Variants in ARAP2 observed in about 807,000 individuals in gnomAD.
The protein encoded by ARAP2 is arf-GAP with Rho-GAP domain, ANK repeat and PH domain-containing protein 2.
ARAP2 carries 148 observed loss-of-function variants against 194.5 expected under a neutral mutation model. The ratio of observed to expected loss-of-function variants is 0.76; its 90% confidence interval spans 0.67 to 0.87. The LOEUF (loss-of-function observed/expected upper bound fraction) is 0.87, where lower values mean the gene tolerates loss of function less well. Ranked by LOEUF, ARAP2 falls within the 40% of genes least tolerant of loss-of-function variation. The pLI, the probability that ARAP2 is intolerant of heterozygous loss-of-function variation, is 0.00. For synonymous variants in ARAP2, 695 were observed against 683.5 expected (o/e 1.02, Z -0.26); for missense variants, 2,128 against 1,989.7 (o/e 1.07, Z -1.32).
intron 28 of ARAP2, among the ~76,000 whole-genome samples, chr4:36,086,032 AAGG>A (rs1172956773): frequency 6.6e-6 from 1 of 152,036 alleles, no homozygotes; most frequent in Non-Finnish European, 1.5e-5. Context: ...GGATATATTC[AAGG>A]AGAAGAGAGC....
At chr4:36,061,355 C>T (rs1724410489), downstream of ARAP2, among the ~76,000 whole-genome samples, 1 of 152,192 alleles carries the variant, frequency 6.6e-6, no homozygotes, top group African/African-American at 2.4e-5. Context: ...CCACCACCCT[C>T]TCACTACCCT....
chr4:36,155,744 G>A (rs1212083135), intron 15 of ARAP2, among the ~76,000 whole-genome samples: 1 of 151,028 alleles, frequency 6.6e-6, no homozygotes, highest in African/African-American at 2.4e-5. Flanking sequence ...CTCACTGCAC[G>A]CTCTGCCTCC....
rs543316178 is a variant in ARAP2, at chr4:36,066,785, T to C, written c.*1122A>G. On this transcript the variant is annotated 3_prime_UTR_variant, in exon 33 of 33. Transcript: ENST00000303965. ...TAAGTACAGGGAAGAGACCACACCT[T>C]TACTTAAAAAAAGAAAAAAAAACCT... The C allele has an allele frequency of 3.3e-5, 5 of 151,922 alleles. No individual in the cohort carries two copies. The East Asian group carries it at 9.6e-4, about 29-fold the overall frequency. 9.4% of individuals were successfully genotyped at this position (151,922 alleles called of 1,614,324 possible). A position where few individuals can be genotyped will look rare whatever the true frequency, so the allele number is the denominator to read the frequency against.
chr4:36,230,427 T>C (rs923275414), intron 1 of ARAP2, among the ~76,000 whole-genome samples: 7 of 152,256 alleles, frequency 4.6e-5, no homozygotes, highest in Admixed American at 4.6e-4. Flanking sequence ...CAGCATTGTA[T>C]GTAAACAATA....
intron 21 of ARAP2, among the ~76,000 whole-genome samples, chr4:36,125,660 A>ACT (rs1723714613): frequency 1.3e-5 from 2 of 151,960 alleles, no homozygotes; most frequent in African/African-American, 4.8e-5. Context: ...CTTACCCTCC[A>ACT]CTCACCTGAC....
At chr4:36,102,276 G>T (rs1717159467) in intron 27 of ARAP2, among the ~76,000 whole-genome samples, 1 of 151,866 alleles carries the variant, frequency 6.6e-6, no homozygotes, top group Non-Finnish European at 1.5e-5. Context: ...AGCTCTTCTA[G>T]TCTCCCTATC....
rs768413806 is a variant in ARAP2 at position 36,140,691 on chromosome 4, G to C, written c.3263+6605C>G. On this transcript the variant is annotated intron_variant, in intron 19 of 32. Coordinates refer to ENST00000303965, the MANE Select transcript of ARAP2 (RefSeq NM_015230.4). ...TATGGAATAAGGTGATAGGAAATAA[G>C]GAAAACTAAACTTAGGGTGCTAATC... 3.3e-5 allele frequency among the ~76,000 whole-genome samples: 5 copies of C among 151,720 alleles called. 1 individual carries two copies. In the South Asian group the frequency reaches 6.2e-4, roughly 19 times the overall value.
Position 36,177,993 on chromosome 4 carries a change from T to A in ARAP2, c.1691A>T (p.Asp564Val). 1 of 1,597,106 alleles carries A rather than the reference T, an allele frequency of 6.3e-7. No homozygotes were observed. Among genetic ancestry groups the A allele is most frequent in the Non-Finnish European group, 8.5e-7 (1 of 1,173,858 alleles). ...TGCATTTAATAGTATGCTGATCCAG[T>A]CATTTCTCTCCTCTGAAAATGAAGA... ...FRVEKEEERN[D>V]WISILLNALK... Residue 564 changes from aspartate to valine, a missense_variant, in exon 9 of 33, where the codon GAC becomes GTC. Transcript: ENST00000303965.
At chr4:36,047,992 G>C (rs1722093901) in intron 3 of ARAP2, among the ~76,000 whole-genome samples, 1 of 152,162 alleles carries the variant, frequency 6.6e-6, no homozygotes, top group Non-Finnish European at 1.5e-5. Context: ...TTACAGTGAA[G>C]ATGGCACTGA....
chr4:36,064,064 C>T (rs1560345842), downstream of ARAP2, among the ~76,000 whole-genome samples: 2 of 152,110 alleles, frequency 1.3e-5, no homozygotes, highest in East Asian at 3.9e-4. Flanking sequence ...CTCAGTGACA[C>T]TTTGATGAAT....
intron 8 of ARAP2, among the ~76,000 whole-genome samples, chr4:36,013,521 A>G (rs937038590): frequency 6.6e-6 from 1 of 152,200 alleles, no homozygotes; most frequent in African/African-American, 2.4e-5. Context: ...TTATGGATAC[A>G]GGGTGTTTGG....
At chr4:36,224,259 C>T (rs1749793598) in intron 2 of ARAP2, among the ~76,000 whole-genome samples, 2 of 149,918 alleles carry the variant, frequency 1.3e-5, no homozygotes, top group East Asian at 1.9e-4. Context: ...AAAAACAGTT[C>T]TCACAATTGA....
At chr4:36,078,927 A>G (rs1728849152) in intron 31 of ARAP2, among the ~76,000 whole-genome samples, 1 of 152,070 alleles carries the variant, frequency 6.6e-6, no homozygotes, top group African/African-American at 2.4e-5. Context: ...TAATCCTAGC[A>G]CTTTGGGAGG....
chr4:36,215,638 G>T (rs868671997), intron 2 of ARAP2, among the ~76,000 whole-genome samples: 1 of 152,204 alleles, frequency 6.6e-6, no homozygotes. Flanking sequence ...CAAGTGGTTT[G>T]CCCAAACCAA....
At chr4:36,108,506 G>A (rs1195751380) in intron 26 of ARAP2, among the ~76,000 whole-genome samples, 1 of 151,750 alleles carries the variant, frequency 6.6e-6, no homozygotes, top group Non-Finnish European at 1.5e-5. Context: ...CTACTAGTGG[G>A]AATATAAAAA....
intron 32 of ARAP2, among the ~76,000 whole-genome samples, chr4:36,069,838 G>T (rs960663975): frequency 1.3e-5 from 2 of 152,042 alleles, no homozygotes; most frequent in African/African-American, 4.8e-5. Flanking sequence ...GTGGGGGTGG[G>T]GTTTTCATGA....
rs1003503535 is a variant in ARAP2 at position 36,145,954 on chromosome 4, C to T, written c.3263+1342G>A. On this transcript the variant is annotated intron_variant, in intron 19 of 32. Transcript: ENST00000303965. ...TTAATTTTAGACATGCGTATTCAAC[C>T]GCTTACTCACCAGATCCACTTTGCC... Among the ~76,000 whole-genome samples, 12 of 152,064 alleles carry T rather than the reference C, an allele frequency of 7.9e-5. No homozygotes were observed. In the South Asian group the frequency reaches 1.5e-3, roughly 18 times the overall value.
Position 36,166,329 on chromosome 4 carries a change from TAG to T in ARAP2, c.1973+601_1973+602del, listed in dbSNP as rs536469833. Among the ~76,000 whole-genome samples, 66 of 152,218 alleles carry T rather than the reference TAG, an allele frequency of 4.3e-4. 1 individual carries two copies. Among genetic ancestry groups the T allele is most frequent in the Admixed American group, 9.8e-4 (15 of 15,290 alleles). On this transcript the variant is annotated intron_variant, in intron 10 of 32. Coordinates refer to ENST00000303965, the MANE Select transcript of ARAP2 (RefSeq NM_015230.4). ...ATGCCTATTCTGTATACTAAAACTA[TAG>T]AGTCATTTTAGTTTATTAAACCATA...
chr4:36,107,805 T>C (rs1435174162), intron 26 of ARAP2, 112 bp from the exon 27 acceptor site: 2 of 925,030 alleles, frequency 2.2e-6, no homozygotes, highest in Middle Eastern at 3.6e-4. Context: ...GGCAACATTA[T>C]ACACAATCAT....
Sources: allele counts gnomAD v4.1 joint callset (sites outside exome capture counted in the v4.1 genomes callset), GRCh38; gene constraint gnomAD v4.1.1; transcripts MANE v1.5; gene names NCBI Gene and HGNC (gene_info 2026-07-23, HGNC 2026-07-21).